The following CD163L1 variants were observed in gnomAD, a reference collection of about 807,000 sequenced individuals.
CD163L1 encodes scavenger receptor cysteine-rich type 1 protein M160.
CD163L1 carries 124 observed loss-of-function variants against 165.4 expected under a neutral mutation model. The ratio of observed to expected loss-of-function variants is 0.75; its 90% confidence interval spans 0.65 to 0.87. The LOEUF is 0.87. CD163L1 is among the 40% of genes least tolerant of loss of function. The pLI, the probability that CD163L1 is intolerant of heterozygous loss-of-function variation, is 0.00. For synonymous variants in CD163L1, 585 were observed against 662.2 expected (o/e 0.88, Z 1.79); for missense variants, 1,525 against 1,799.9 (o/e 0.85, Z 2.76).
At chr12:7,421,653 A>ATGTATG in intron 4 of CD163L1, among the ~76,000 whole-genome samples, 1 of 134,662 alleles carries the variant, frequency 7.4e-6, no homozygotes, top group Non-Finnish European at 1.6e-5. Flanking sequence ...ATATACATAT[A>ATGTATG]TGTACATATA....
chr12:7,360,309 A>AT (rs1946865864), intron 18 of CD163L1, among the ~76,000 whole-genome samples: 1 of 151,800 alleles, frequency 6.6e-6, no homozygotes, highest in South Asian at 2.1e-4. Context: ...CACCCATCTA[A>AT]TTTTTGTATT....
chr12:7,340,210 C>A, the CD163L1 span, among the ~76,000 whole-genome samples: 1 of 152,024 alleles, frequency 6.6e-6, no homozygotes, highest in Non-Finnish European at 1.5e-5. Context: ...AATGAAAATG[C>A]CTAGTCTGTA....
the CD163L1 span, among the ~76,000 whole-genome samples, chr12:7,329,400 G>A: frequency 1.4e-5 from 2 of 141,362 alleles, no homozygotes; most frequent in African/African-American, 5.3e-5. Flanking sequence ...TGCACATTGT[G>A]CAGGTTAGTT....
rs777228248 is a variant in CD163L1, at chr12:7,432,571, G to A, written c.611C>T (p.Ser204Phe). The change falls in exon 4 of 20, where the codon TCT becomes TTT. Residue 204 changes from serine to phenylalanine, a missense_variant. Coordinates refer to ENST00000313599, the MANE Select transcript of CD163L1 (RefSeq NM_174941.6). The surrounding 1 kb of genome is among the most constrained non-coding windows in gnomAD (Gnocchi z 4.2). ...RQLGCPSSFISSGVVNSPAVL... is the reference protein window; with the variant it reads ...RQLGCPSSFIFSGVVNSPAVL... ...AGCAGGGCTATTAACAACTCCAGAA[G>A]AAATAAAAGAAGATGGACATCCTAG... The A allele has an allele frequency of 5.0e-6, 8 of 1,614,012 alleles. No individual in the cohort carries two copies. In the East Asian group the frequency reaches 1.6e-4, roughly 31 times the overall value.
At chr12:7,327,090 A>G in the CD163L1 span, 2 of 1,602,498 alleles carry the variant, frequency 1.2e-6, no homozygotes, top group South Asian at 2.3e-5. Context: ...CAAATATCCA[A>G]GAAAGGCAAG....
the CD163L1 span, among the ~76,000 whole-genome samples, chr12:7,325,213 A>G: frequency 6.6e-6 from 1 of 152,228 alleles, no homozygotes; most frequent in Admixed American, 6.5e-5. Flanking sequence ...CCCACCAGAG[A>G]GAAGTTAGGG....
Position 7,379,037 on chromosome 12 carries a change from C to A in CD163L1, c.2312G>T (p.Arg771Leu). 6.2e-7 allele frequency: 1 copy of A among 1,614,106 alleles called. No homozygotes were observed. The highest frequency in any genetic ancestry group is 8.5e-7 in the Non-Finnish European group (1 of 1,179,976). The change falls in exon 9 of 20, where the codon CGA (arginine) becomes CTA (leucine). Residue 771 changes from arginine (R) to leucine (L), a missense_variant. Coordinates refer to ENST00000313599, the MANE Select transcript of CD163L1 (RefSeq NM_174941.6). ...GGEASLWDCI[R>L]WEWKQTACHL... is the part of the protein sequence containing the mutation. ...ACACGCAGTCTGTTTCCACTCCCAT[C>A]GTATACAATCCCAGAGAGAGGCTTC... is the stretch of plus-strand genomic sequence containing the variant.
chr12:7,320,133 G>A, the CD163L1 span, among the ~76,000 whole-genome samples: 3 of 152,190 alleles, frequency 2.0e-5, no homozygotes, highest in African/African-American at 7.2e-5. Flanking sequence ...TTCTCCAGAA[G>A]GAGGAGCTCT....
chr12:7,389,968 A>ATATATT (rs1947615057), intron 8 of CD163L1, among the ~76,000 whole-genome samples: 1 of 146,636 alleles, frequency 6.8e-6, no homozygotes, highest in African/African-American at 2.5e-5. Flanking sequence ...ATTTATATAT[A>ATATATT]TATATATATA....
chr12:7,342,394 C>A (rs1946643110), downstream of CD163L1, among the ~76,000 whole-genome samples: 1 of 152,208 alleles, frequency 6.6e-6, no homozygotes, highest in African/African-American at 2.4e-5. Flanking sequence ...CTTTGTTTCC[C>A]ATAAGGAATA....
intron 2 of CD163L1, among the ~76,000 whole-genome samples, chr12:7,436,363 C>T (rs12321231): frequency 0.49 from 74,941 of 152,052 alleles, 22,001 homozygotes; most frequent in African/African-American, 0.8. Context: ...TTTTGGAGTA[C>T]ACAAAGATAT....
intron 8 of CD163L1, among the ~76,000 whole-genome samples, chr12:7,383,740 C>T (rs953528749): frequency 6.6e-6 from 1 of 152,178 alleles, no homozygotes; most frequent in African/African-American, 2.4e-5. Flanking sequence ...ATGGAGATTA[C>T]ACTATAGCAT....
rs1459320545 is a variant in CD163L1 at position 7,382,361 on chromosome 12, G to A, written c.2051-3063C>T. Among the ~76,000 whole-genome samples the A allele has an allele frequency of 3.9e-5, 6 of 152,072 alleles. No individual in the cohort carries two copies. In the East Asian group the frequency reaches 9.7e-4, roughly 25 times the overall value. ...GCACCCAACACTCACCACCAAAAAC[G>A]ATCAAAACAGCAAGTAGATAATTTC... On this transcript the variant is annotated intron_variant, in intron 8 of 19. Coordinates refer to ENST00000313599, the MANE Select transcript of CD163L1 (RefSeq NM_174941.6).
chr12:7,373,365 G>A lies in CD163L1; in HGVS notation c.3685C>T (p.Arg1229Ter), dbSNP rs755335200. 31 of 1,613,758 alleles carry A rather than the reference G, an allele frequency of 1.9e-5. No individual in the cohort carries two copies. The South Asian group carries it at 3.1e-4, about 16-fold the overall frequency. Reference sequence around the variant, plus strand: ...TCTTCTGCTGGGCTGGAGATTCTTCGCTCCCATGGGGCAGACAGGCACTGC... The same window carrying A: ...TCTTCTGCTGGGCTGGAGATTCTTCACTCCCATGGGGCAGACAGGCACTGC... The part of the protein sequence containing the change: ...IWQCLSAPWE[R>*]RISSPAEETW... Residue 1229 changes from arginine to a stop codon, truncating the protein, a stop_gained, in exon 14 of 20, where the codon CGA becomes TGA. Transcript: ENST00000313599. LOFTEE classifies it high-confidence loss of function.
At chr12:7,375,135 T>C (rs1947236737) in intron 11 of CD163L1, 146 bp downstream of exon 11, 3 of 862,114 alleles carry the variant, frequency 3.5e-6, no homozygotes, top group Non-Finnish European at 5.3e-6. Context: ...TTATCATTAT[T>C]TCTTACATGT....
intron 18 of CD163L1, among the ~76,000 whole-genome samples, chr12:7,362,217 AT>A (rs34723996): frequency 0.2 from 28,928 of 143,732 alleles, 3,267 homozygotes; most frequent in South Asian, 0.3. Context: ...TATCATATGT[AT>A]TATTTTTATA....
chr12:7,422,751 A>ATGTG (rs72061380), intron 4 of CD163L1, among the ~76,000 whole-genome samples: 1 of 143,894 alleles, frequency 6.9e-6, no homozygotes, highest in Admixed American at 7.0e-5. Context: ...ATATATACAT[A>ATGTG]TGTGTGTGTG....
intron 2 of CD163L1, among the ~76,000 whole-genome samples, chr12:7,440,398 G>T (rs1376582878): frequency 6.6e-6 from 1 of 151,590 alleles, no homozygotes; most frequent in Non-Finnish European, 1.5e-5. Flanking sequence ...GCGGGACCGC[G>T]GCGCGCCCAG....
rs749181487 is a variant in CD163L1, at chr12:7,378,965, G to T, written c.2371+13C>A. ...TAATTAAATAAATGTGTTTATCTTTGTCCAGAAATTACCTGAGCAGATCAA... is the reference window on the plus strand; with the variant it reads ...TAATTAAATAAATGTGTTTATCTTTTTCCAGAAATTACCTGAGCAGATCAA... On this transcript the variant is annotated intron_variant, in intron 9 of 19. Coordinates refer to ENST00000313599, the MANE Select transcript of CD163L1 (RefSeq NM_174941.6). 2 of 1,587,920 alleles carry T rather than the reference G, an allele frequency of 1.3e-6. No homozygotes were observed. Among genetic ancestry groups the T allele is most frequent in the East Asian group, 2.3e-5 (1 of 44,330 alleles).
Sources: allele counts gnomAD v4.1 joint callset (sites outside exome capture counted in the v4.1 genomes callset), GRCh38; gene constraint gnomAD v4.1.1; non-coding constraint Gnocchi (gnomAD v3.1); transcripts MANE v1.5; gene names NCBI Gene and HGNC (gene_info 2026-07-23, HGNC 2026-07-21).